MCTP1: variants seen among roughly 807,000 people sequenced by gnomAD.
The protein encoded by MCTP1 is multiple C2 and transmembrane domain containing 1, also known as multiple C2 and transmembrane domain-containing protein 1.
MCTP1 carries 69 observed loss-of-function variants against 120.6 expected under a neutral mutation model. The observed-to-expected ratio is 0.57, with a 90% CI of 0.47 to 0.70. The LOEUF is 0.70. Ranked by LOEUF, MCTP1 falls within the 30% of genes least tolerant of loss-of-function variation. The pLI is 0.00. For missense variants in MCTP1, 1,203 were observed against 1,248.8 expected (o/e 0.96, Z 0.55); for synonymous variants, 529 against 493.1 (o/e 1.07, Z -0.96).
chr5:95,151,615 C>A (rs1760903617), intron 1 of MCTP1, among the ~76,000 whole-genome samples: 1 of 152,144 alleles, frequency 6.6e-6, no homozygotes, highest in African/African-American at 2.4e-5. Flanking sequence ...TTAAAACATT[C>A]CACTATAGTC....
chr5:95,284,209 G>T lies in MCTP1; in HGVS notation c.367C>A (p.Arg123Ser), dbSNP rs757575868. ...GGGAGCAAATGCTCGCGGATCCGGC[G>T]GCGTAGCGTGGACCCCTGCTCGGCT... ...GRAEQGSTLRRRIREHLLPAV... is the reference protein window; with the variant it reads ...GRAEQGSTLRSRIREHLLPAV... Residue 123 changes from arginine to serine, a missense_variant, in exon 1 of 23, where the codon CGC becomes AGC. Physicochemically the swap from Arg to Ser is moderately radical, Grantham distance 110. Transcript: ENST00000515393. The surrounding 1 kb of genome is among the most constrained non-coding windows in gnomAD (Gnocchi z 5.2). 2 of 1,569,040 alleles carry T rather than the reference G, an allele frequency of 1.3e-6. No individual in the cohort carries two copies. The highest frequency in any genetic ancestry group is 1.7e-6 in the Non-Finnish European group (2 of 1,162,340).
intron 1 of MCTP1, among the ~76,000 whole-genome samples, chr5:95,063,814 T>C (rs1749893881): frequency 2.0e-5 from 1 of 50,380 alleles, no homozygotes; most frequent in Non-Finnish European, 1.0e-4. Context: ...CCTAGGCTGG[T>C]CATTTTTTAT....
chr5:95,245,223 C>G (rs1756622880), intron 1 of MCTP1, among the ~76,000 whole-genome samples: 1 of 152,130 alleles, frequency 6.6e-6, no homozygotes, highest in Admixed American at 6.5e-5. Context: ...TGGAGAGAAA[C>G]CAGACCAGAA....
intron 1 of MCTP1, among the ~76,000 whole-genome samples, chr5:95,075,101 A>G (rs1458717305): frequency 6.6e-6 from 1 of 152,266 alleles, no homozygotes; most frequent in East Asian, 1.9e-4. Flanking sequence ...AATATGAATT[A>G]TACACTATTC....
chr5:94,917,883 T>C lies in MCTP1; in HGVS notation c.1350+13A>G. On this transcript the variant is annotated intron_variant, in intron 8 of 22. Coordinates refer to ENST00000515393, the MANE Select transcript of MCTP1 (RefSeq NM_024717.7). ...CTCAGAAAAAAATAAATGAACTGAATGGTTGAACTTACTTGTACATTTTTG... is the reference window on the plus strand; with the variant it reads ...CTCAGAAAAAAATAAATGAACTGAACGGTTGAACTTACTTGTACATTTTTG... 3 of 1,607,338 alleles carry C rather than the reference T, an allele frequency of 1.9e-6. No homozygotes were observed. Among genetic ancestry groups the C allele is most frequent in the Non-Finnish European group, 8.5e-7 (1 of 1,173,970 alleles).
intron 1 of MCTP1, among the ~76,000 whole-genome samples, chr5:95,061,408 G>GTTGT (rs1749067994): frequency 2.4e-4 from 8 of 33,492 alleles, no homozygotes; most frequent in Non-Finnish European, 4.4e-4. Context: ...CCCCTTAAGG[G>GTTGT]TTTTTTTTTT....
intron 1 of MCTP1, among the ~76,000 whole-genome samples, chr5:95,138,235 C>A (rs920301830): frequency 1.3e-5 from 2 of 148,842 alleles, no homozygotes; most frequent in East Asian, 2.0e-4. Flanking sequence ...GAGATGCAAC[C>A]CCCCCCCGAC....
At chr5:95,059,342 T>C (rs544336125) in intron 1 of MCTP1, among the ~76,000 whole-genome samples, 1 of 152,216 alleles carries the variant, frequency 6.6e-6, no homozygotes, top group African/African-American at 2.4e-5. Context: ...TTGTCACTTG[T>C]AAATTGGAGC....
At chr5:94,963,662 T>C (rs1324656810) in intron 2 of MCTP1, among the ~76,000 whole-genome samples, 1 of 152,132 alleles carries the variant, frequency 6.6e-6, no homozygotes, top group Non-Finnish European at 1.5e-5. Context: ...AATCGAGTTA[T>C]TTGTTTTTCT....
chr5:94,849,309 T>C (rs1034794240), intron 17 of MCTP1, among the ~76,000 whole-genome samples: 1 of 152,206 alleles, frequency 6.6e-6, no homozygotes, highest in African/African-American at 2.4e-5. Flanking sequence ...GGTATTTCAA[T>C]AGTAATAACA....
intron 17 of MCTP1, among the ~76,000 whole-genome samples, chr5:94,865,710 G>A (rs1347721743): frequency 6.6e-6 from 1 of 151,842 alleles, no homozygotes; most frequent in Non-Finnish European, 1.5e-5. Flanking sequence ...TTTGTTCAGA[G>A]CTGCTGTGAT....
intron 1 of MCTP1, among the ~76,000 whole-genome samples, chr5:95,021,744 T>C (rs1385813803): frequency 6.6e-6 from 1 of 152,124 alleles, no homozygotes; most frequent in Non-Finnish European, 1.5e-5. Context: ...TTTTGACTCT[T>C]ATTTTCTAAT....
chr5:95,241,302 A>G (rs928120404), intron 1 of MCTP1, among the ~76,000 whole-genome samples: 1 of 152,208 alleles, frequency 6.6e-6, no homozygotes, highest in African/African-American at 2.4e-5. Context: ...ACATCTCAGT[A>G]TGGCAGCTGC....
chr5:95,279,665 C>A lies in MCTP1; in HGVS notation c.720+4191G>T, dbSNP rs558300419. Among the ~76,000 whole-genome samples, 5 of 152,324 alleles carry A rather than the reference C, an allele frequency of 3.3e-5. 1 individual carries two copies. In the South Asian group the frequency reaches 1.0e-3, roughly 32 times the overall value. On this transcript the variant is annotated intron_variant, in intron 1 of 22. Transcript: ENST00000515393. ...CTCTCATAACATCTACATGCTAACACTTCCATTTATGCAAGATTCATAGTT... is the reference window on the plus strand; with the variant it reads ...CTCTCATAACATCTACATGCTAACAATTCCATTTATGCAAGATTCATAGTT...
Position 95,042,072 on chromosome 5 carries a change from T to C in MCTP1, c.721-24588A>G, listed in dbSNP as rs141879043. Among the ~76,000 whole-genome samples, 192 of 152,314 alleles carry C rather than the reference T, an allele frequency of 1.3e-3. 2 individuals carry two copies. In the Middle Eastern group the frequency reaches 0.014, roughly 11 times the overall value. ...TTGTTTTCTCAAACTTACTGCTTCATCACTGAAATGTTAGACCAGCTGCTT... is the reference window on the plus strand; with the variant it reads ...TTGTTTTCTCAAACTTACTGCTTCACCACTGAAATGTTAGACCAGCTGCTT... On this transcript the variant is annotated intron_variant, in intron 1 of 22. Transcript: ENST00000515393.
Position 95,284,649 on chromosome 5 carries a change from C to G in MCTP1, c.-74G>C. 1 of 1,255,152 alleles carries G rather than the reference C, an allele frequency of 8.0e-7. No individual in the cohort carries two copies. The highest frequency in any genetic ancestry group is 1.8e-5 in the South Asian group (1 of 55,892). 77.8% of individuals were successfully genotyped at this position (1,255,152 alleles called of 1,614,324 possible). On this transcript the variant is annotated 5_prime_UTR_variant, in exon 1 of 23. Coordinates refer to ENST00000515393, the MANE Select transcript of MCTP1 (RefSeq NM_024717.7). This position sits in a 1 kb window ranked among gnomAD's most constrained non-coding sequence, Gnocchi z 5.2. ...TGCTTCTCCTCCCTCTTCGGCTGCA[C>G]CTCCTCCCGGGTCCCCGCGGCGCTG...
At chr5:95,278,191 G>A (rs903968617) in intron 1 of MCTP1, among the ~76,000 whole-genome samples, 2 of 152,100 alleles carry the variant, frequency 1.3e-5, no homozygotes, top group Non-Finnish European at 2.9e-5. Context: ...TCTCACCTCT[G>A]ATTCATAAAA....
chr5:94,849,320 C>T (rs947468677), intron 17 of MCTP1, among the ~76,000 whole-genome samples: 9 of 152,162 alleles, frequency 5.9e-5, no homozygotes, highest in East Asian at 1.9e-4. Flanking sequence ...AGTAATAACA[C>T]GTTAATAGAA....
intron 19 of MCTP1, among the ~76,000 whole-genome samples, chr5:94,731,927 AT>A (rs1410039420): frequency 6.6e-6 from 1 of 152,120 alleles, no homozygotes; most frequent in Non-Finnish European, 1.5e-5. Context: ...GCATTTATTT[AT>A]TCTTTTACCT....
Sources: allele counts gnomAD v4.1 joint callset (sites outside exome capture counted in the v4.1 genomes callset), GRCh38; gene constraint gnomAD v4.1.1; non-coding constraint Gnocchi (gnomAD v3.1); transcripts MANE v1.5; gene names NCBI Gene and HGNC (gene_info 2026-07-23, HGNC 2026-07-21).